Variants in ANKRD33B observed in about 807,000 individuals in gnomAD.
The protein encoded by ANKRD33B is ankyrin repeat domain 33B.
ANKRD33B carries 6 observed loss-of-function variants against 21.5 expected under a neutral mutation model. The ratio of observed to expected loss-of-function variants is 0.28; its 90% confidence interval spans 0.15 to 0.55. ANKRD33B has a LOEUF of 0.55. Ranked by LOEUF, ANKRD33B falls within the 20% of genes least tolerant of loss-of-function variation. ANKRD33B has a pLI of 0.94. For synonymous variants in ANKRD33B, 347 were observed against 342.4 expected, an observed-to-expected ratio of 1.01 and a Z score of -0.15; for missense variants, 698 against 747.2, an observed-to-expected ratio of 0.93 and a Z score of 0.77.
At chr5:10,589,289 T>C (rs1735634198) in intron 1 of ANKRD33B, among the ~76,000 whole-genome samples, 1 of 151,822 alleles carries the variant, frequency 6.6e-6, no homozygotes. Flanking sequence ...TTCTCTTTGG[T>C]CTTGCCAGGG....
chr5:10,651,933 A>G lies in ANKRD33B; in HGVS notation c.*1820A>G, dbSNP rs560066702. The G allele has an allele frequency of 6.6e-6, 1 of 152,418 alleles. No individual in the cohort carries two copies. Among genetic ancestry groups the G allele is most frequent in the Non-Finnish European group, 1.5e-5 (1 of 68,074 alleles). 9.4% of individuals were successfully genotyped at this position (152,418 alleles called of 1,614,324 possible). ...AGTTCCTCCTTAATCCCAGAAGGGC[A>G]CCATGATGAATGCCACAGGAGACTG... On this transcript the variant is annotated 3_prime_UTR_variant, in exon 4 of 4. Transcript: ENST00000296657.
At chr5:10,598,833 A>T (rs1316957746) in intron 1 of ANKRD33B, among the ~76,000 whole-genome samples, 1 of 152,178 alleles carries the variant, frequency 6.6e-6, no homozygotes, top group African/African-American at 2.4e-5. Flanking sequence ...CAGGTGAATC[A>T]CTTGAGCCCA....
intron 2 of ANKRD33B, among the ~76,000 whole-genome samples, chr5:10,632,589 G>A (rs965408346): frequency 6.6e-6 from 1 of 152,038 alleles, no homozygotes; most frequent in Non-Finnish European, 1.5e-5. Context: ...CCTCCTGCCC[G>A]GGGTTGGGGG....
intron 3 of ANKRD33B, among the ~76,000 whole-genome samples, chr5:10,642,968 G>C (rs993524616): frequency 1.3e-5 from 2 of 152,028 alleles, no homozygotes; most frequent in African/African-American, 4.8e-5. Flanking sequence ...GCAGTGGCGC[G>C]ATCTCGGTTC....
At chr5:10,580,442 C>T (rs988112251) in intron 1 of ANKRD33B, among the ~76,000 whole-genome samples, 2 of 152,330 alleles carry the variant, frequency 1.3e-5, no homozygotes, top group African/African-American at 4.8e-5. Context: ...TTGAGCAAAC[C>T]CTCCAGCGGA....
rs115819692 is a variant in ANKRD33B, at chr5:10,617,432, G to T, written c.367-901G>T. Among the ~76,000 whole-genome samples, 518 of 152,294 alleles carry T rather than the reference G, an allele frequency of 3.4e-3. 6 individuals carry two copies. The highest frequency in any genetic ancestry group is 0.011 in the African/African-American group (459 of 41,554). Reference sequence around the variant, plus strand: ...GGGCCGAAACTCTGGGGTCATCCTGGACTCTTTTTCTATTCAACCTCACCT... The same window carrying T: ...GGGCCGAAACTCTGGGGTCATCCTGTACTCTTTTTCTATTCAACCTCACCT... On this transcript the variant is annotated intron_variant, in intron 1 of 3. Transcript: ENST00000296657.
chr5:10,637,767 A>T (rs1258563844), intron 2 of ANKRD33B, among the ~76,000 whole-genome samples: 2 of 152,014 alleles, frequency 1.3e-5, no homozygotes, highest in Non-Finnish European at 2.9e-5. Flanking sequence ...GTAATGGGAC[A>T]GCTCCTCCCT....
intron 1 of ANKRD33B, among the ~76,000 whole-genome samples, chr5:10,592,502 A>T (rs1197737003): frequency 6.6e-6 from 1 of 150,464 alleles, no homozygotes; most frequent in East Asian, 1.9e-4. Context: ...TGGCGGCTGT[A>T]ATCCCAGCTA....
At chr5:10,605,929 A>G (rs1177373375) in intron 1 of ANKRD33B, among the ~76,000 whole-genome samples, 1 of 152,236 alleles carries the variant, frequency 6.6e-6, no homozygotes, top group Non-Finnish European at 1.5e-5. Context: ...TTAATTTCAG[A>G]AAGATTAAGT....
intron 3 of ANKRD33B, among the ~76,000 whole-genome samples, chr5:10,641,528 C>G (rs190766839): frequency 3.9e-5 from 6 of 152,110 alleles, no homozygotes; most frequent in Non-Finnish European, 5.9e-5. Flanking sequence ...CGCGCCCTGC[C>G]CCTCATCTTC....
At position 10,657,339 on chromosome 5, in the gene ANKRD33B, G is replaced by T. The variant is rs541609731; in HGVS notation, c.*7226G>T. 8 of 152,476 alleles carry T rather than the reference G, an allele frequency of 5.2e-5. No individual in the cohort carries two copies. The highest frequency in any genetic ancestry group is 3.4e-3 in the Middle Eastern group (1 of 294). The allele number at this position is 152,476 out of a possible 1,614,324, so 9.4% of individuals were successfully genotyped here. A position where few individuals can be genotyped will look rare whatever the true frequency, so the allele number is the denominator to read the frequency against. On this transcript the variant is annotated 3_prime_UTR_variant, in exon 4 of 4. Coordinates refer to ENST00000296657, the MANE Select transcript of ANKRD33B (RefSeq NM_001164440.2). ...TTTTAACAAAGATGACTTTATGACCGTTCTAAGGATTGAACAGATTCCTGC... is the reference window on the plus strand; with the variant it reads ...TTTTAACAAAGATGACTTTATGACCTTTCTAAGGATTGAACAGATTCCTGC...
In ANKRD33B at chr5:10,656,591, C is replaced by T. The variant is rs552739850; in HGVS notation, c.*6478C>T. The T allele has an allele frequency of 2.0e-5, 3 of 152,418 alleles. No homozygotes were observed. The highest frequency in any genetic ancestry group is 7.2e-5 in the African/African-American group (3 of 41,568). The allele number at this position is 152,418 out of a possible 1,614,324, so 9.4% of individuals were successfully genotyped here. On this transcript the variant is annotated 3_prime_UTR_variant, in exon 4 of 4. Coordinates refer to ENST00000296657, the MANE Select transcript of ANKRD33B (RefSeq NM_001164440.2). Reference sequence around the variant, plus strand: ...GTACTCAGTGGGGTCTCACATGGCCCGAGGACCCACTGTGAGCACTCCGCC... The same window carrying T: ...GTACTCAGTGGGGTCTCACATGGCCTGAGGACCCACTGTGAGCACTCCGCC...
intron 2 of ANKRD33B, among the ~76,000 whole-genome samples, chr5:10,626,103 C>T (rs1365294635): frequency 6.6e-6 from 1 of 152,236 alleles, no homozygotes; most frequent in African/African-American, 2.4e-5. Flanking sequence ...CCTAGAACCG[C>T]AGCCAGGGGC....
chr5:10,637,706 G>A (rs1003427507), intron 2 of ANKRD33B, among the ~76,000 whole-genome samples: 2 of 152,174 alleles, frequency 1.3e-5, no homozygotes, highest in Admixed American at 6.5e-5. Flanking sequence ...CTGAGGCTGC[G>A]CTCCCTACCT....
chr5:10,654,353 A>G lies in ANKRD33B; in HGVS notation c.*4240A>G, dbSNP rs1737432725. On this transcript the variant is annotated 3_prime_UTR_variant, in exon 4 of 4. Coordinates refer to ENST00000296657, the MANE Select transcript of ANKRD33B (RefSeq NM_001164440.2). ...GCTCGGGATCCCTCCCTGCACCCTG[A>G]TGTTTATTAACTGTAGATAGTGAAT... 1 of 152,344 alleles carries G rather than the reference A, an allele frequency of 6.6e-6. No homozygotes were observed. Among genetic ancestry groups the G allele is most frequent in the African/African-American group, 2.4e-5 (1 of 41,448 alleles). 9.4% of individuals were successfully genotyped at this position (152,344 alleles called of 1,614,324 possible).
chr5:10,602,005 A>T (rs767211152), intron 1 of ANKRD33B, among the ~76,000 whole-genome samples: 1 of 152,232 alleles, frequency 6.6e-6, no homozygotes, highest in African/African-American at 2.4e-5. Context: ...ACTAGGTAAG[A>T]ATTTATTTGG....
intron 2 of ANKRD33B, among the ~76,000 whole-genome samples, chr5:10,636,542 A>G (rs571156117): frequency 3.9e-5 from 6 of 152,318 alleles, no homozygotes; most frequent in African/African-American, 1.4e-4. Context: ...TCTTGAGCCC[A>G]GGAGGTCCAC....
chr5:10,591,014 G>C (rs1735673256), intron 1 of ANKRD33B, among the ~76,000 whole-genome samples: 1 of 152,116 alleles, frequency 6.6e-6, no homozygotes, highest in Non-Finnish European at 1.5e-5. Context: ...TCTCAGAGCT[G>C]AAAGTGAGAG....
intron 1 of ANKRD33B, among the ~76,000 whole-genome samples, chr5:10,596,285 A>G (rs901375049): frequency 6.6e-6 from 1 of 152,232 alleles, no homozygotes; most frequent in Non-Finnish European, 1.5e-5. Context: ...TATTAAGTGC[A>G]GAATTCTTTA....
Sources: allele counts gnomAD v4.1 joint callset (sites outside exome capture counted in the v4.1 genomes callset), GRCh38; gene constraint gnomAD v4.1.1; transcripts MANE v1.5; gene names NCBI Gene and HGNC (gene_info 2026-07-23, HGNC 2026-07-21).